The following RARB variants were observed in gnomAD, a reference collection of about 807,000 sequenced individuals.
The protein encoded by RARB is HBV-activated protein.
Under a neutral mutation model 51.9 loss-of-function variants are expected in RARB, and 17 were observed. The ratio of observed to expected loss-of-function variants is 0.33; its 90% CI spans 0.22 to 0.49. The LOEUF (loss-of-function observed/expected upper bound fraction) is 0.49. Among genes scored for constraint, RARB ranks in the 20% least tolerant of loss-of-function variants. The pLI, the probability that RARB is intolerant of heterozygous loss-of-function variation, is 0.99. For missense variants in RARB, 369 were observed against 550.8 expected (o/e 0.67, Z 3.30); for synonymous variants, 215 against 195.4 (o/e 1.10, Z -0.84).
At chr3:25,416,810 C>T (rs1707717982) in intron 5 of RARB, among the ~76,000 whole-genome samples, 1 of 152,142 alleles carries the variant, frequency 6.6e-6, no homozygotes, top group Non-Finnish European at 1.5e-5. Flanking sequence ...GCACGTCACT[C>T]GTTTTGTCAT....
Position 25,421,403 on chromosome 3 carries a change from C to CTTT in RARB, c.179-39764_179-39762dup, listed in dbSNP as rs766378555. 1.4e-3 allele frequency among the ~76,000 whole-genome samples: 100 copies of CTTT among 72,354 alleles called. 8 individuals carry two copies. Among genetic ancestry groups the CTTT allele is most frequent in the African/African-American group, 5.4e-3 (84 of 15,494 alleles). 47.5% of individuals were successfully genotyped at this position (72,354 alleles called of 152,430 possible). A position where few individuals can be genotyped will look rare whatever the true frequency, so the allele number is the denominator to read the frequency against. ...TTGCACTAACATTTTTTCTTCTTTT[C>CTTT]TTTTTTTTTTTTTTTTTTTTTTTTT... On this transcript the variant is annotated intron_variant, in intron 5 of 11. Transcript: ENST00000383772.
At chr3:25,188,710 C>T (rs143699639) in intron 5 of RARB, among the ~76,000 whole-genome samples, 4 of 151,952 alleles carry the variant, frequency 2.6e-5, no homozygotes, top group African/African-American at 7.3e-5. Context: ...ATTATAACTA[C>T]CATTTGTGTG....
intron 2 of RARB, among the ~76,000 whole-genome samples, chr3:24,964,008 C>A (rs1315306062): frequency 1.3e-5 from 2 of 152,124 alleles, no homozygotes; most frequent in East Asian, 1.9e-4. Flanking sequence ...CTGAACAGAA[C>A]AAAAGGGTCA....
At chr3:25,337,665 A>C (rs1705103330) in intron 5 of RARB, among the ~76,000 whole-genome samples, 2 of 152,104 alleles carry the variant, frequency 1.3e-5, no homozygotes, top group South Asian at 4.1e-4. Context: ...CCACCTCCTT[A>C]CAAAGGCTTT....
chr3:25,232,419 G>C (rs1214092487), intron 5 of RARB, among the ~76,000 whole-genome samples: 6 of 151,482 alleles, frequency 4.0e-5, no homozygotes, highest in African/African-American at 1.5e-4. Context: ...TTGGCATCTT[G>C]GCAATATTAA....
intron 3 of RARB, among the ~76,000 whole-genome samples, chr3:25,548,518 T>A (rs908484263): frequency 6.6e-6 from 1 of 152,002 alleles, no homozygotes; most frequent in African/African-American, 2.4e-5. Context: ...CAAGGGAAGG[T>A]CTTAGACAAA....
intron 2 of RARB, among the ~76,000 whole-genome samples, chr3:25,024,782 G>A (rs369692398): frequency 2.1e-4 from 32 of 151,912 alleles, no homozygotes; most frequent in Admixed American, 5.2e-4. Context: ...GTGAAACCCT[G>A]TCTCTACTAA....
chr3:25,024,921 TCCAGC>T (rs1697711643), intron 2 of RARB: 2 of 125,990 alleles, frequency 1.6e-5, no homozygotes, highest in Admixed American at 2.1e-4. Flanking sequence ...CCACTGTCAC[TCCAGC>T]CTGGACAACA....
At chr3:25,207,385 G>A (rs1372473120) in intron 5 of RARB, among the ~76,000 whole-genome samples, 2 of 152,168 alleles carry the variant, frequency 1.3e-5, no homozygotes, top group Admixed American at 1.3e-4. Context: ...CTTTTCCCAA[G>A]GAAACACAGC....
At chr3:24,987,000 A>T (rs1052987399) in intron 2 of RARB, among the ~76,000 whole-genome samples, 2 of 152,264 alleles carry the variant, frequency 1.3e-5, no homozygotes, top group South Asian at 4.1e-4. Flanking sequence ...CAAAATTTGG[A>T]TGCTCATTCA....
intron 2 of RARB, among the ~76,000 whole-genome samples, chr3:24,860,104 A>G (rs183822469): frequency 2.0e-5 from 3 of 152,262 alleles, no homozygotes; most frequent in African/African-American, 7.2e-5. Flanking sequence ...TATTATGTTC[A>G]TGTTAAACTA....
chr3:25,526,658 G>A (rs567138663), intron 3 of RARB, among the ~76,000 whole-genome samples: 6 of 152,330 alleles, frequency 3.9e-5, no homozygotes, highest in African/African-American at 1.4e-4. Context: ...TAGATGGACT[G>A]GATGGACGGA....
chr3:25,168,412 G>T (rs978156613), intron 4 of RARB, among the ~76,000 whole-genome samples: 2 of 151,922 alleles, frequency 1.3e-5, no homozygotes, highest in Non-Finnish European at 1.5e-5. Context: ...TTTTAGTAGA[G>T]ACAGGGTTTC....
chr3:25,498,927 G>A (rs1358847338), intron 2 of RARB, among the ~76,000 whole-genome samples: 2 of 152,120 alleles, frequency 1.3e-5, no homozygotes, highest in Admixed American at 6.5e-5. Flanking sequence ...CAGATTCTGG[G>A]AGGATTTCAC....
intron 2 of RARB, among the ~76,000 whole-genome samples, chr3:24,995,916 T>G (rs1697027972): frequency 6.6e-6 from 1 of 152,038 alleles, no homozygotes; most frequent in South Asian, 2.1e-4. Flanking sequence ...TGGTTTGTAG[T>G]TTTCTTTATT....
At chr3:25,454,394 CTCT>C (rs1262685773) in intron 1 of RARB, among the ~76,000 whole-genome samples, 11 of 152,374 alleles carry the variant, frequency 7.2e-5, no homozygotes, top group African/African-American at 1.9e-4. Context: ...CGCAACTTTG[CTCT>C]TCTTCCTTAA....
chr3:25,158,977 C>A (rs77243314), intron 4 of RARB, among the ~76,000 whole-genome samples: 2,414 of 151,996 alleles, frequency 0.016, 55 homozygotes, highest in African/African-American at 0.054. Context: ...ACATCACCCA[C>A]GTTCTACAGG....
At chr3:25,126,479 A>G (rs1170666757) in intron 3 of RARB, among the ~76,000 whole-genome samples, 1 of 151,984 alleles carries the variant, frequency 6.6e-6, no homozygotes, top group Admixed American at 6.6e-5. Context: ...CTAAACAAGC[A>G]TGGTGCTTTT....
At chr3:25,471,758 G>A (rs57731828) in intron 2 of RARB, among the ~76,000 whole-genome samples, 1 of 147,996 alleles carries the variant, frequency 6.8e-6, no homozygotes, top group Non-Finnish European at 1.5e-5. Context: ...TTCATTTGCT[G>A]TTTTTGTTAT....
Sources: gnomAD v4.1 joint callset for allele counts (sites outside exome capture counted in the v4.1 genomes callset) on GRCh38, gnomAD v4.1.1 for gene constraint, MANE v1.5 for transcripts, NCBI Gene and HGNC (gene_info 2026-07-23, HGNC 2026-07-21) for gene names.